Variants in TAFA4 observed in about 807,000 individuals in gnomAD.
TAFA4 encodes the protein TAFA chemokine like family member 4.
Under a neutral mutation model 21.1 loss-of-function variants are expected in TAFA4, and 20 were observed. The observed-to-expected ratio is 0.95, with a 90% CI of 0.67 to 1.38. The LOEUF (loss-of-function observed/expected upper bound fraction) is 1.38. TAFA4 is among the 40% of genes most tolerant of loss of function. The pLI, the probability that TAFA4 is intolerant of heterozygous loss-of-function variation, is 0.00. For synonymous variants in TAFA4, 71 were observed against 67.4 expected, an observed-to-expected ratio of 1.05 and a Z score of -0.26; for missense variants, 211 against 180.9, an observed-to-expected ratio of 1.17 and a Z score of -0.95.
chr3:68,744,099 A>G (rs1450581432), intron 4 of TAFA4, among the ~76,000 whole-genome samples: 2 of 152,238 alleles, frequency 1.3e-5, no homozygotes, highest in African/African-American at 4.8e-5. Flanking sequence ...TTTGTCTTCA[A>G]AACTCTTCCT....
chr3:68,908,298 C>T (rs1020781821), intron 1 of TAFA4, among the ~76,000 whole-genome samples: 1 of 152,132 alleles, frequency 6.6e-6, no homozygotes, highest in African/African-American at 2.4e-5. Flanking sequence ...GGATTTAAAC[C>T]TGTGAGGGTC....
At chr3:68,907,775 A>C (rs1382504560) in intron 1 of TAFA4, among the ~76,000 whole-genome samples, 3 of 152,204 alleles carry the variant, frequency 2.0e-5, no homozygotes, top group Admixed American at 1.3e-4. Context: ...CACAACATCG[A>C]TGGTAAACTC....
chr3:68,767,573 G>A (rs1469522846), intron 3 of TAFA4, among the ~76,000 whole-genome samples: 1 of 151,830 alleles, frequency 6.6e-6, no homozygotes, highest in Non-Finnish European at 1.5e-5. Flanking sequence ...TTAGAAATAT[G>A]GTGTTAATAT....
intron 3 of TAFA4, among the ~76,000 whole-genome samples, chr3:68,841,248 G>A (rs1334840216): frequency 2.5e-5 from 2 of 79,438 alleles, no homozygotes; most frequent in African/African-American, 8.2e-5. Context: ...GCGTGAACCC[G>A]GGAGGCGGAG....
chr3:68,843,702 G>A (rs6802061), intron 3 of TAFA4, among the ~76,000 whole-genome samples: 49,426 of 152,046 alleles, frequency 0.33, 8,326 homozygotes, highest in Non-Finnish European at 0.37. Context: ...CCAATACCTA[G>A]TTTACTGAGA....
intron 1 of TAFA4, among the ~76,000 whole-genome samples, chr3:68,928,574 C>T (rs576692267): frequency 7.2e-5 from 11 of 152,290 alleles, no homozygotes; most frequent in African/African-American, 2.6e-4. Context: ...TCGCCAGCTC[C>T]CCTTTAAACC....
chr3:68,738,786 C>T (rs968344541), intron 5 of TAFA4, among the ~76,000 whole-genome samples: 4 of 152,134 alleles, frequency 2.6e-5, no homozygotes, highest in Admixed American at 6.6e-5. Context: ...ATTGGCCTGT[C>T]GACTCTGAAA....
intron 3 of TAFA4, among the ~76,000 whole-genome samples, chr3:68,871,941 A>T (rs115868005): frequency 1.3e-5 from 2 of 152,238 alleles, no homozygotes; most frequent in Non-Finnish European, 2.9e-5. Flanking sequence ...GAACACTCAT[A>T]CATCATTGGG....
At chr3:68,795,285 G>A (rs1703435072) in intron 3 of TAFA4, among the ~76,000 whole-genome samples, 1 of 150,848 alleles carries the variant, frequency 6.6e-6, no homozygotes, top group Non-Finnish European at 1.5e-5. Flanking sequence ...TTAGTTTGGG[G>A]CCATTCAGTA....
chr3:68,885,738 T>C (rs903431806), intron 1 of TAFA4, among the ~76,000 whole-genome samples: 1 of 152,206 alleles, frequency 6.6e-6, no homozygotes, highest in African/African-American at 2.4e-5. Context: ...TCTGAATTCC[T>C]GGATTTGTGT....
chr3:68,771,636 T>C (rs370712795), intron 3 of TAFA4, among the ~76,000 whole-genome samples: 2 of 152,248 alleles, frequency 1.3e-5, no homozygotes, highest in African/African-American at 4.8e-5. Flanking sequence ...CAAATTTATT[T>C]CATTAAAAGA....
chr3:68,808,439 C>T (rs1400482527), intron 3 of TAFA4, among the ~76,000 whole-genome samples: 1 of 152,140 alleles, frequency 6.6e-6, no homozygotes, highest in Non-Finnish European at 1.5e-5. Flanking sequence ...TCCAAATTAT[C>T]TTCAAGTGTT....
intron 3 of TAFA4, among the ~76,000 whole-genome samples, chr3:68,877,812 G>A (rs2089569802): frequency 6.6e-6 from 1 of 152,134 alleles, no homozygotes; most frequent in Non-Finnish European, 1.5e-5. Context: ...TTCCTGGAAT[G>A]CGAACCTTTC....
At chr3:68,808,228 T>G (rs1703746344) in intron 3 of TAFA4, among the ~76,000 whole-genome samples, 1 of 152,228 alleles carries the variant, frequency 6.6e-6, no homozygotes, top group Middle Eastern at 3.4e-3. Flanking sequence ...TTCACATACA[T>G]GAGCAAGCCC....
intron 3 of TAFA4, among the ~76,000 whole-genome samples, chr3:68,837,573 G>T (rs539441354): frequency 6.6e-6 from 1 of 152,272 alleles, no homozygotes; most frequent in East Asian, 1.9e-4. Flanking sequence ...CCACTCCAGT[G>T]ATTCTGATTC....
intron 3 of TAFA4, among the ~76,000 whole-genome samples, chr3:68,821,139 A>C (rs538233131): frequency 6.6e-6 from 1 of 152,352 alleles, no homozygotes; most frequent in Admixed American, 6.5e-5. Context: ...TCTTCCATAC[A>C]TTCAGTGATG....
At chr3:68,819,634 A>T (rs1165802754) in intron 3 of TAFA4, among the ~76,000 whole-genome samples, 3 of 152,224 alleles carry the variant, frequency 2.0e-5, no homozygotes, top group Non-Finnish European at 4.4e-5. Flanking sequence ...TGATTTTTTT[A>T]AACAGTCCAA....
At chr3:68,873,341 C>CACAT (rs1374267928) in intron 3 of TAFA4, among the ~76,000 whole-genome samples, 1 of 91,510 alleles carries the variant, frequency 1.1e-5, no homozygotes, top group Non-Finnish European at 2.4e-5. Context: ...CAGACATACA[C>CACAT]ACACACACAC....
chr3:68,758,623 G>C (rs1037393793), intron 3 of TAFA4, among the ~76,000 whole-genome samples: 2 of 152,118 alleles, frequency 1.3e-5, no homozygotes, highest in African/African-American at 4.8e-5. Context: ...AAATTACCAT[G>C]TCTTTATTAG....
Sources: allele counts gnomAD v4.1 joint callset (sites outside exome capture counted in the v4.1 genomes callset), GRCh38; gene constraint gnomAD v4.1.1; transcripts MANE v1.5; gene names NCBI Gene and HGNC (gene_info 2026-07-23, HGNC 2026-07-21).